The following CLNK variants were observed in gnomAD, a reference collection of about 807,000 sequenced individuals.
The protein encoded by CLNK is cytokine dependent hematopoietic cell linker, also known as cytokine-dependent hematopoietic cell linker.
A neutral mutation model predicts 68.6 loss-of-function variants in CLNK; 74 were observed. The observed-to-expected ratio is 1.08, with a 90% confidence interval of 0.89 to 1.31. The LOEUF (loss-of-function observed/expected upper bound fraction) is 1.31, where lower values mean the gene tolerates loss of function less well. Ranked by LOEUF, CLNK falls within the 50% of genes most tolerant of loss-of-function variation. The pLI, the probability that CLNK is intolerant of heterozygous loss-of-function variation, is 0.00. For synonymous variants in CLNK, 198 were observed against 172.2 expected, an observed-to-expected ratio of 1.15 and a Z score of -1.17; for missense variants, 553 against 515.3, an observed-to-expected ratio of 1.07 and a Z score of -0.71.
chr4:10,588,789 G>A (rs1324923724), intron 3 of CLNK, among the ~76,000 whole-genome samples: 7 of 151,756 alleles, frequency 4.6e-5, no homozygotes, highest in Admixed American at 4.6e-4. Flanking sequence ...ACTCATAGAG[G>A]CAAATATACA....
At chr4:10,513,652 C>T (rs543565611) in intron 15 of CLNK, 55 bp from the exon 16 acceptor site, 28 of 1,520,440 alleles carry the variant, frequency 1.8e-5, no homozygotes, top group Non-Finnish European at 2.5e-5. Context: ...GCAGTCTGTC[C>T]CCCACCTCCA....
intron 2 of CLNK, among the ~76,000 whole-genome samples, chr4:10,611,570 C>T (rs1216020207): frequency 6.6e-6 from 1 of 151,878 alleles, no homozygotes; most frequent in Non-Finnish European, 1.5e-5. Flanking sequence ...CCGTGAGTGC[C>T]AGAGGGGCTT....
At chr4:10,516,001 C>G (rs1029497588) in intron 15 of CLNK, among the ~76,000 whole-genome samples, 2 of 152,080 alleles carry the variant, frequency 1.3e-5, no homozygotes, top group African/African-American at 4.8e-5. Context: ...GGTATTTTCT[C>G]TATATACCTC....
intron 2 of CLNK, among the ~76,000 whole-genome samples, chr4:10,633,454 G>A (rs1577184878): frequency 6.6e-6 from 1 of 152,182 alleles, no homozygotes; most frequent in Admixed American, 6.5e-5. Context: ...CAGATGATAG[G>A]TTAACGCTTC....
At chr4:10,721,837 C>T in the CLNK span, among the ~76,000 whole-genome samples, 1 of 152,148 alleles carries the variant, frequency 6.6e-6, no homozygotes, top group African/African-American at 2.4e-5. Context: ...CCAAGGTTGA[C>T]AGGTGCATAT....
intron 1 of CLNK, among the ~76,000 whole-genome samples, chr4:10,681,867 C>G (rs1481914468): frequency 6.6e-6 from 1 of 152,072 alleles, no homozygotes; most frequent in Non-Finnish European, 1.5e-5. Context: ...ATGGAGCCTG[C>G]CTGAACTTCA....
At position 10,675,031 on chromosome 4, in the gene CLNK, G is replaced by A. The variant is rs140866627; in HGVS notation, c.-42-7120C>T. Among the ~76,000 whole-genome samples the A allele has an allele frequency of 5.3e-5, 8 of 152,232 alleles. No homozygotes were observed. In the East Asian group the frequency reaches 1.5e-3, roughly 29 times the overall value. On this transcript the variant is annotated intron_variant, in intron 1 of 18. Coordinates refer to ENST00000226951, the MANE Select transcript of CLNK (RefSeq NM_052964.4). ...AGGACAAATACCTAATTAGGACAAA[G>A]CATGTGGGGCTTAAAACCTAGATGA...
At chr4:10,564,800 A>C in intron 6 of CLNK, 23 bp from the exon 7 acceptor site, 1 of 1,406,610 alleles carries the variant, frequency 7.1e-7, no homozygotes, top group Non-Finnish European at 1.0e-6. Context: ...AAAAATATGA[A>C]AGTCATACCT....
chr4:10,732,583 A>G, the CLNK span, among the ~76,000 whole-genome samples: 1 of 152,182 alleles, frequency 6.6e-6, no homozygotes, highest in Non-Finnish European at 1.5e-5. Flanking sequence ...CTAGCCTTTT[A>G]CATTCCATCT....
chr4:10,660,754 C>T (rs1724163163), intron 2 of CLNK, among the ~76,000 whole-genome samples: 1 of 152,154 alleles, frequency 6.6e-6, no homozygotes, highest in Admixed American at 6.5e-5. Context: ...TCCTCTATTC[C>T]CTCATCACCG....
At chr4:10,518,982 C>A (rs922269142) in intron 15 of CLNK, among the ~76,000 whole-genome samples, 5 of 152,156 alleles carry the variant, frequency 3.3e-5, no homozygotes, top group African/African-American at 1.2e-4. Flanking sequence ...AGGAACATTG[C>A]AGGGGTGCTT....
intron 2 of CLNK, among the ~76,000 whole-genome samples, chr4:10,606,594 T>C (rs1161152252): frequency 1.3e-5 from 2 of 152,232 alleles, no homozygotes; most frequent in East Asian, 3.8e-4. Context: ...CAGCACAGTT[T>C]TGTTTACACC....
chr4:10,689,365 T>G (rs6828818), upstream of CLNK, among the ~76,000 whole-genome samples: 41,659 of 152,026 alleles, frequency 0.27, 6,138 homozygotes, highest in Non-Finnish European at 0.33. Context: ...AAACTCCTGG[T>G]CTCAAGCAAT....
Position 10,592,730 on chromosome 4 carries a change from TATTA to T in CLNK, c.83+5244_83+5247del, listed in dbSNP as rs540850511. The stretch of plus-strand genomic sequence containing the variant: ...TTGTTTGTTTGTTTATTTATTTATT[TATTA>T]GTTTCTTTTGAGGCAGAGTCTCACT... On this transcript the variant is annotated intron_variant, in intron 3 of 18. Transcript: ENST00000226951. 2.6e-5 allele frequency among the ~76,000 whole-genome samples: 4 copies of T among 151,910 alleles called. No individual in the cohort carries two copies. The South Asian group carries it at 6.2e-4, about 24-fold the overall frequency.
intron 2 of CLNK, among the ~76,000 whole-genome samples, chr4:10,610,158 G>A (rs1721955525): frequency 7.3e-6 from 1 of 136,512 alleles, no homozygotes; most frequent in East Asian, 2.3e-4. Flanking sequence ...CCGGGTTCAC[G>A]CCATTCTCCT....
chr4:10,500,280 G>A (rs1037355117), intron 18 of CLNK, among the ~76,000 whole-genome samples: 8 of 151,962 alleles, frequency 5.3e-5, no homozygotes, highest in Non-Finnish European at 7.4e-5. Flanking sequence ...TCCCCCTTCC[G>A]TTACTGCCTG....
At chr4:10,592,565 G>A (rs1255134668) in intron 3 of CLNK, among the ~76,000 whole-genome samples, 2 of 151,420 alleles carry the variant, frequency 1.3e-5, no homozygotes, top group South Asian at 2.1e-4. Context: ...GGCATCATAG[G>A]AGGCTCTCGG....
At chr4:10,508,899 G>A (rs945183187) in intron 16 of CLNK, among the ~76,000 whole-genome samples, 2 of 152,090 alleles carry the variant, frequency 1.3e-5, no homozygotes, top group Non-Finnish European at 2.9e-5. Flanking sequence ...ACAAGGTCAG[G>A]AGATCGAGAC....
chr4:10,699,773 C>G, the CLNK span, among the ~76,000 whole-genome samples: 1 of 151,716 alleles, frequency 6.6e-6, no homozygotes, highest in South Asian at 2.1e-4. Context: ...CTCAGCCTCC[C>G]AAAGTGCTAG....
Sources: allele counts gnomAD v4.1 joint callset (sites outside exome capture counted in the v4.1 genomes callset), GRCh38; gene constraint gnomAD v4.1.1; transcripts MANE v1.5; gene names NCBI Gene and HGNC (gene_info 2026-07-23, HGNC 2026-07-21).